The following IRF2 variants were observed in gnomAD, a reference collection of about 807,000 sequenced individuals.
IRF2 encodes interferon regulatory factor 2.
Under a neutral mutation model 40.6 loss-of-function variants are expected in IRF2, and 15 were observed. The observed-to-expected ratio is 0.37, with a 90% CI of 0.25 to 0.57. IRF2 has a LOEUF of 0.57. IRF2 is among the 20% of genes least tolerant of loss of function. IRF2 has a pLI of 0.77. For synonymous variants in IRF2, 151 were observed against 165.5 expected, an observed-to-expected ratio of 0.91 and a Z score of 0.67; for missense variants, 317 against 455.7, an observed-to-expected ratio of 0.70 and a Z score of 2.77.
intron 1 of IRF2, among the ~76,000 whole-genome samples, chr4:184,471,772 T>A (rs1218006295): frequency 1.3e-5 from 2 of 152,234 alleles, no homozygotes; most frequent in African/African-American, 4.8e-5. Flanking sequence ...CCATTGTTCA[T>A]AAGGCTGTCA....
intron 6 of IRF2, among the ~76,000 whole-genome samples, chr4:184,403,227 C>T (rs1006490265): frequency 6.6e-6 from 1 of 152,152 alleles, no homozygotes; most frequent in Non-Finnish European, 1.5e-5. Flanking sequence ...TCGAAATGCT[C>T]TCAGATGAGC....
intron 1 of IRF2, among the ~76,000 whole-genome samples, chr4:184,444,115 C>T (rs763735414): frequency 6.6e-6 from 1 of 152,174 alleles, no homozygotes; most frequent in Non-Finnish European, 1.5e-5. Flanking sequence ...AAGACCTCGG[C>T]GGCTCCCATA....
intron 1 of IRF2, 81 bp from the exon 2 acceptor site, chr4:184,429,151 A>G: frequency 1.0e-6 from 1 of 966,592 alleles, no homozygotes; most frequent in South Asian, 1.6e-5. Context: ...ACCCCGCCTG[A>G]CTCTTTCCTT....
At chr4:184,439,745 T>C (rs923222898) in intron 1 of IRF2, among the ~76,000 whole-genome samples, 1 of 152,234 alleles carries the variant, frequency 6.6e-6, no homozygotes, top group Non-Finnish European at 1.5e-5. Flanking sequence ...AGCTGCTTTA[T>C]AAAATTTACC....
At chr4:184,401,717 T>C (rs1421594112) in intron 6 of IRF2, among the ~76,000 whole-genome samples, 2 of 152,158 alleles carry the variant, frequency 1.3e-5, no homozygotes, top group East Asian at 3.9e-4. Context: ...AGCTGGTGGG[T>C]GGAGGTAGAA....
intron 1 of IRF2, 128 bp from the exon 2 acceptor site, chr4:184,429,198 G>C: frequency 1.5e-6 from 1 of 651,862 alleles, no homozygotes. Context: ...GGGGGCTGGG[G>C]GGTCGGTGTA....
At chr4:184,459,522 A>G (rs1290198114) in intron 1 of IRF2, among the ~76,000 whole-genome samples, 1 of 152,206 alleles carries the variant, frequency 6.6e-6, no homozygotes, top group Non-Finnish European at 1.5e-5. Context: ...AGTGTGCTTC[A>G]TCAGCTTCAC....
At chr4:184,393,204 A>C (rs569590860) in intron 7 of IRF2, among the ~76,000 whole-genome samples, 1 of 151,858 alleles carries the variant, frequency 6.6e-6, no homozygotes, top group Non-Finnish European at 1.5e-5. Flanking sequence ...AGAAAACAAA[A>C]CTGTACTTCT....
chr4:184,471,869 G>A (rs1739524644), intron 1 of IRF2: 1 of 152,118 alleles, frequency 6.6e-6, no homozygotes, highest in Non-Finnish European at 1.5e-5. Flanking sequence ...CATTTTTACA[G>A]GTAAGTAAAT....
Position 184,415,659 on chromosome 4 carries a change from G to A in IRF2, c.411+2508C>T, listed in dbSNP as rs1020381641. ...CATCTTAGCATCATTGGCATCTGGC[G>A]TTCGATGGAATACAGTGGGTACATG... On this transcript the variant is annotated intron_variant, in intron 5 of 8. Transcript: ENST00000393593. Among the ~76,000 whole-genome samples, 6 of 152,314 alleles carry A rather than the reference G, an allele frequency of 3.9e-5. No individual in the cohort carries two copies. In the South Asian group the frequency reaches 6.2e-4, roughly 16 times the overall value.
chr4:184,389,106 T>C (rs968201424), intron 8 of IRF2, 40 bp from the exon 9 acceptor site: 1 of 1,593,284 alleles, frequency 6.3e-7, no homozygotes, highest in African/African-American at 1.3e-5. Flanking sequence ...TCCTTCTCCT[T>C]CTATTGGATG....
intron 7 of IRF2, among the ~76,000 whole-genome samples, chr4:184,396,509 A>G (rs1579795817): frequency 6.6e-6 from 1 of 151,530 alleles, no homozygotes; most frequent in Admixed American, 6.6e-5. Context: ...CCAGGGCTCA[A>G]TGAAGCCTTG....
chr4:184,463,470 A>G (rs55768166), intron 1 of IRF2, among the ~76,000 whole-genome samples: 30,002 of 152,214 alleles, frequency 0.2, 3,253 homozygotes, highest in Middle Eastern at 0.3. Flanking sequence ...TGGATACAAA[A>G]TATCTCATTA....
chr4:184,442,521 A>G (rs1738349174), intron 1 of IRF2, among the ~76,000 whole-genome samples: 1 of 152,204 alleles, frequency 6.6e-6, no homozygotes, highest in Admixed American at 6.5e-5. Context: ...ATTAACCTGA[A>G]GAACTATTTC....
chr4:184,399,599 G>C (rs78805858), intron 6 of IRF2, among the ~76,000 whole-genome samples: 7,416 of 152,298 alleles, frequency 0.049, 186 homozygotes, highest in South Asian at 0.072. Context: ...GAATGTTTGT[G>C]TTCAGGTTTT....
intron 1 of IRF2, among the ~76,000 whole-genome samples, chr4:184,439,592 A>G (rs903639561): frequency 1.3e-5 from 2 of 152,220 alleles, no homozygotes; most frequent in African/African-American, 4.8e-5. Flanking sequence ...ATATGAAATC[A>G]AAAGTCTAAA....
At position 184,408,106 on chromosome 4, in the gene IRF2, G is replaced by T; in HGVS notation, c.529+52C>A. The T allele has an allele frequency of 9.7e-7, 1 of 1,030,214 alleles. No homozygotes were observed. The highest frequency in any genetic ancestry group is 1.5e-6 in the Non-Finnish European group (1 of 663,548). 63.8% of individuals were successfully genotyped at this position (1,030,214 alleles called of 1,614,324 possible). A position where few individuals can be genotyped will look rare whatever the true frequency, so the allele number is the denominator to read the frequency against. Reference sequence around the variant, plus strand: ...AAGTTCTCTGTTTTACAAATTTTAGGCCCCAGGGGGCTGCTGGTATGTATA... The same window carrying T: ...AAGTTCTCTGTTTTACAAATTTTAGTCCCCAGGGGGCTGCTGGTATGTATA... On this transcript the variant is annotated intron_variant, in intron 6 of 8. Transcript: ENST00000393593. This position sits in a 1 kb window ranked among gnomAD's most constrained non-coding sequence, Gnocchi z 4.9.
intron 1 of IRF2, among the ~76,000 whole-genome samples, chr4:184,466,911 T>C (rs1262750087): frequency 2.0e-5 from 3 of 152,166 alleles, no homozygotes; most frequent in Admixed American, 6.5e-5. Flanking sequence ...CAAGTATCTG[T>C]GTATCTAAAC....
At chr4:184,390,626 C>T in intron 8 of IRF2, 77 bp downstream of exon 8, 1 of 1,400,620 alleles carries the variant, frequency 7.1e-7, no homozygotes. Context: ...GGTGCATAAC[C>T]AGCAGCAAGG....
Sources: gnomAD v4.1 joint callset for allele counts (sites outside exome capture counted in the v4.1 genomes callset) on GRCh38, gnomAD v4.1.1 for gene constraint, Gnocchi (gnomAD v3.1) non-coding constraint, MANE v1.5 for transcripts, NCBI Gene and HGNC (gene_info 2026-07-23, HGNC 2026-07-21) for gene names.